Variants in SLTM observed in about 807,000 individuals in gnomAD.
The protein encoded by SLTM is SAFB-like transcription modulator.
Under a neutral mutation model 134.6 loss-of-function variants are expected in SLTM, and 43 were observed. The observed-to-expected ratio is 0.32, with a 90% CI of 0.25 to 0.41. The LOEUF is 0.41. SLTM is among the 10% of genes least tolerant of loss of function. The pLI is 1.00. For missense variants in SLTM, 1,055 were observed against 1,288.8 expected (o/e 0.82, Z 2.78); for synonymous variants, 424 against 432.3 (o/e 0.98, Z 0.24).
rs898781483 is a variant in SLTM at position 58,933,017 on chromosome 15, T to C, written c.162+387A>G. Among the ~76,000 whole-genome samples the C allele has an allele frequency of 5.3e-5, 8 of 152,052 alleles. No individual in the cohort carries two copies. In the East Asian group the frequency reaches 1.5e-3, roughly 29 times the overall value. ...TTCGCAGAAGTCACCAAAGTAACCA[T>C]TCCCTCTGAGGCCAAGAAATGCACA... On this transcript the variant is annotated intron_variant, in intron 1 of 20. Transcript: ENST00000380516.
chr15:58,919,914 C>T (rs1307065605), intron 2 of SLTM, among the ~76,000 whole-genome samples: 1 of 152,150 alleles, frequency 6.6e-6, no homozygotes, highest in Non-Finnish European at 1.5e-5. Flanking sequence ...ATGGTGCTGT[C>T]AGAACTGAAG....
At chr15:58,885,822 A>C (rs1258111988) in intron 19 of SLTM, among the ~76,000 whole-genome samples, 1 of 92,154 alleles carries the variant, frequency 1.1e-5, no homozygotes, top group Non-Finnish European at 2.2e-5. Flanking sequence ...AAAAACAACA[A>C]CACACACACA....
chr15:58,929,445 T>C (rs375761295), intron 2 of SLTM, among the ~76,000 whole-genome samples: 2 of 152,028 alleles, frequency 1.3e-5, no homozygotes, highest in Admixed American at 6.6e-5. Context: ...CGAAACTCCA[T>C]CTCAAAAAAA....
chr15:58,902,347 C>G (rs1180043443), intron 5 of SLTM, among the ~76,000 whole-genome samples: 1 of 151,686 alleles, frequency 6.6e-6, no homozygotes, highest in Non-Finnish European at 1.5e-5. Context: ...GCTGGGATTA[C>G]AGATGCAAAC....
intron 5 of SLTM, among the ~76,000 whole-genome samples, chr15:58,910,513 T>C (rs2036188872): frequency 6.6e-6 from 1 of 152,174 alleles, no homozygotes; most frequent in African/African-American, 2.4e-5. Context: ...CCTTCAGATA[T>C]ATTTCCATCT....
chr15:58,915,668 C>T (rs1341429235), intron 3 of SLTM, among the ~76,000 whole-genome samples: 1 of 152,022 alleles, frequency 6.6e-6, no homozygotes, highest in African/African-American at 2.4e-5. Flanking sequence ...GATTTCAGGG[C>T]TAACTCCTCA....
chr15:58,898,581 T>C (rs1335334526), intron 8 of SLTM: 4 of 427,060 alleles, frequency 9.4e-6, no homozygotes, highest in Non-Finnish European at 1.7e-5. Flanking sequence ...TAATGGGTTT[T>C]TAACGTACCC....
intron 20 of SLTM, chr15:58,883,396 C>T (rs1839911919): frequency 1.9e-6 from 1 of 536,342 alleles, no homozygotes; most frequent in African/African-American, 1.9e-5. Context: ...TCTATATCAA[C>T]TTGCCAGAAC....
Position 58,898,816 on chromosome 15 carries a change from AGAT to A in SLTM, c.1092_1094del (p.Ser365del). ...AAAATTCTTTACCTTTGTCATCTTT[AGAT>A]GATGTCTTGCTGTCTTTAGATTCCT... On this transcript the variant is annotated inframe_deletion, in exon 8 of 21. Transcript: ENST00000380516. 1.2e-6 allele frequency: 2 copies of A among 1,607,736 alleles called. No homozygotes were observed. Among genetic ancestry groups the A allele is most frequent in the African/African-American group, 1.3e-5 (1 of 74,728 alleles).
rs1453569892 is a variant in SLTM at position 58,879,257 on chromosome 15, G to C, written c.*742C>G. The C allele has an allele frequency of 6.6e-6, 1 of 152,150 alleles. No individual in the cohort carries two copies. Among genetic ancestry groups the C allele is most frequent in the Non-Finnish European group, 1.5e-5 (1 of 68,044 alleles). The allele number at this position is 152,150 out of a possible 1,614,324, so 9.4% of individuals were successfully genotyped here. ...CAAACAGTGCAGATTACCTAAAAGT[G>C]CACTTACCTGCACAACTCGGTCTAA... On this transcript the variant is annotated 3_prime_UTR_variant, in exon 21 of 21. Coordinates refer to ENST00000380516, the MANE Select transcript of SLTM (RefSeq NM_024755.4).
intron 15 of SLTM, 67 bp from the exon 16 acceptor site, chr15:58,889,621 A>G: frequency 2.5e-6 from 4 of 1,586,682 alleles, no homozygotes; most frequent in Non-Finnish European, 3.4e-6. Context: ...TATACATGCA[A>G]CCTTGTTTTA....
chr15:58,881,130 G>A (rs2033671117), intron 20 of SLTM, among the ~76,000 whole-genome samples: 1 of 151,960 alleles, frequency 6.6e-6, no homozygotes, highest in Non-Finnish European at 1.5e-5. Flanking sequence ...GGAGGCAGAG[G>A]TTGCAGTGAG....
chr15:58,915,021 G>A (rs967419764), intron 3 of SLTM, among the ~76,000 whole-genome samples: 28 of 152,030 alleles, frequency 1.8e-4, no homozygotes, highest in African/African-American at 6.3e-4. Context: ...GTGAAACCCC[G>A]TCTCTACTAA....
chr15:58,893,073 A>G lies in SLTM; in HGVS notation c.1735-13T>C. ...TTCTTCCATGAATCTGTAGAAAAAAATTAGAAGAACACTAGAAATTAAAAT... is the reference window on the plus strand; with the variant it reads ...TTCTTCCATGAATCTGTAGAAAAAAGTTAGAAGAACACTAGAAATTAAAAT... On this transcript the variant is annotated splice_polypyrimidine_tract_variant and intron_variant, in intron 13 of 20. Coordinates refer to ENST00000380516, the MANE Select transcript of SLTM (RefSeq NM_024755.4). The G allele has an allele frequency of 6.4e-7, 1 of 1,564,756 alleles. No individual in the cohort carries two copies. Among genetic ancestry groups the G allele is most frequent in the Non-Finnish European group, 8.6e-7 (1 of 1,163,576 alleles).
chr15:58,922,904 T>TG (rs1391451534), intron 2 of SLTM, among the ~76,000 whole-genome samples: 1 of 151,792 alleles, frequency 6.6e-6, no homozygotes, highest in Non-Finnish European at 1.5e-5. Context: ...TTAGTAGAGA[T>TG]GGGGTTTCAC....
chr15:58,903,358 C>G (rs943287657), intron 5 of SLTM, among the ~76,000 whole-genome samples: 59 of 152,314 alleles, frequency 3.9e-4, no homozygotes, highest in African/African-American at 1.2e-3. Flanking sequence ...GCTTAGAAAA[C>G]TAAGCAGAAG....
chr15:58,880,456 G>C (rs992933298), intron 20 of SLTM, among the ~76,000 whole-genome samples: 8 of 152,110 alleles, frequency 5.3e-5, no homozygotes, highest in Admixed American at 6.5e-5. Flanking sequence ...GCACCAGCTG[G>C]GTGCCTGTTA....
chr15:58,887,484 C>T lies in SLTM; in HGVS notation c.2432G>A (p.Arg811Lys), dbSNP rs1567106738. 4.3e-6 allele frequency: 7 copies of T among 1,613,912 alleles called. No homozygotes were observed. Among genetic ancestry groups the T allele is most frequent in the Admixed American group, 1.7e-5 (1 of 59,968 alleles). ...EGKKARPTAR[R>K]EDPSFERYPK... ...ATATCTTTCGAAGCTTGGATCTTCC[C>T]TTCGTGCAGTAGGTCGTGCTTTTTT... is the stretch of plus-strand genomic sequence containing the variant. The change falls in exon 18 of 21, where the codon AGG becomes AAG. Residue 811 changes from arginine (R) to lysine (K), a missense_variant. Arg to Lys is a conservative substitution (Grantham distance 26). Coordinates refer to ENST00000380516, the MANE Select transcript of SLTM (RefSeq NM_024755.4).
chr15:58,886,279 T>C (rs2034200711), intron 19 of SLTM, among the ~76,000 whole-genome samples: 1 of 149,442 alleles, frequency 6.7e-6, no homozygotes, highest in Non-Finnish European at 1.5e-5. Flanking sequence ...TTTTTTTTTT[T>C]TTTTCCAGAC....
Sources: allele counts gnomAD v4.1 joint callset (sites outside exome capture counted in the v4.1 genomes callset), GRCh38; gene constraint gnomAD v4.1.1; transcripts MANE v1.5; gene names NCBI Gene and HGNC (gene_info 2026-07-23, HGNC 2026-07-21).